LSM12: variants seen among roughly 807,000 people sequenced by gnomAD.
LSM12 encodes the protein LSM12 homolog.
For missense variants in LSM12, 108 were observed against 238.9 expected (o/e 0.45, Z 3.61); for synonymous variants, 74 against 87.3 (o/e 0.85, Z 0.85).
chr17:44,044,386 A>G (rs970855061), intron 2 of LSM12, among the ~76,000 whole-genome samples: 1 of 151,778 alleles, frequency 6.6e-6, no homozygotes, highest in Non-Finnish European at 1.5e-5. Context: ...AATCTCCCCT[A>G]AAGTCTCCAA....
intron 2 of LSM12, among the ~76,000 whole-genome samples, chr17:44,055,437 G>A (rs1024454333): frequency 6.7e-6 from 1 of 149,954 alleles, no homozygotes; most frequent in Non-Finnish European, 1.5e-5. Flanking sequence ...TGAGGTGGGT[G>A]GATCATCTGA....
intron 2 of LSM12, among the ~76,000 whole-genome samples, chr17:44,059,573 T>G (rs1432289719): frequency 2.6e-5 from 4 of 152,148 alleles, no homozygotes; most frequent in Admixed American, 2.6e-4. Context: ...TTCCCCCTAC[T>G]GCAACCCTAC....
intron 2 of LSM12, among the ~76,000 whole-genome samples, chr17:44,059,353 C>T (rs987177616): frequency 1.3e-5 from 2 of 152,070 alleles, no homozygotes; most frequent in African/African-American, 4.8e-5. Context: ...CTTTAGGAGG[C>T]CGACGCAGGT....
At chr17:44,039,442 C>T (rs1158563311) in intron 3 of LSM12, among the ~76,000 whole-genome samples, 1 of 123,676 alleles carries the variant, frequency 8.1e-6, no homozygotes, top group Non-Finnish European at 1.6e-5. Flanking sequence ...ACTGCAGTGG[C>T]GCAATCTCGG....
At position 44,066,630 on chromosome 17, in the gene LSM12, G is replaced by A. The variant is rs1298457824; in HGVS notation, c.-43C>T. The A allele has an allele frequency of 9.9e-6, 13 of 1,307,872 alleles. No homozygotes were observed. Among genetic ancestry groups the A allele is most frequent in the African/African-American group, 3.1e-5 (2 of 64,322 alleles). The allele number at this position is 1,307,872 out of a possible 1,614,324, so 81.0% of individuals were successfully genotyped here. On this transcript the variant is annotated 5_prime_UTR_variant, in exon 1 of 5. Transcript: ENST00000293406. ...GGCCGGCGGCGGCGGCGGCAGCAGCGGGCGAAAGCCGGGCCCCCAGTGAGC... is the reference window on the plus strand; with the variant it reads ...GGCCGGCGGCGGCGGCGGCAGCAGCAGGCGAAAGCCGGGCCCCCAGTGAGC...
In LSM12 at chr17:44,037,249, G is replaced by A. The variant is rs142941571; in HGVS notation, c.495+163C>T. ...ACCACCCAGTGGTTCCATTCCCACA[G>A]GACTGCAGAACCCCACAGTACAGGG... On this transcript the variant is annotated intron_variant, in intron 4 of 4. Transcript: ENST00000293406. 128 of 747,014 alleles carry A rather than the reference G, an allele frequency of 1.7e-4. No homozygotes were observed. In the African/African-American group the frequency reaches 2.1e-3, roughly 12 times the overall value. 46.3% of individuals were successfully genotyped at this position (747,014 alleles called of 1,614,324 possible). A position where few individuals can be genotyped will look rare whatever the true frequency, so the allele number is the denominator to read the frequency against.
intron 2 of LSM12, among the ~76,000 whole-genome samples, chr17:44,042,478 C>A (rs2049507333): frequency 6.6e-6 from 1 of 151,876 alleles, no homozygotes; most frequent in Admixed American, 6.6e-5. Flanking sequence ...CAGCTCACTG[C>A]AACCTCCGCC....
At chr17:44,053,919 T>G (rs2049677689) in intron 2 of LSM12, among the ~76,000 whole-genome samples, 1 of 152,154 alleles carries the variant, frequency 6.6e-6, no homozygotes, top group South Asian at 2.1e-4. Flanking sequence ...GTTAGAATAC[T>G]GTTCTCTTAA....
At chr17:44,045,823 T>C (rs1398401760) in intron 2 of LSM12, among the ~76,000 whole-genome samples, 1 of 152,104 alleles carries the variant, frequency 6.6e-6, no homozygotes, top group Non-Finnish European at 1.5e-5. Context: ...TCCACCCACC[T>C]TGGCCTCCTA....
intron 2 of LSM12, among the ~76,000 whole-genome samples, chr17:44,061,691 C>T (rs1378275638): frequency 6.6e-6 from 1 of 152,146 alleles, no homozygotes; most frequent in East Asian, 1.9e-4. Context: ...CACCACATTC[C>T]CAAGAGAGGC....
chr17:44,061,932 A>G (rs1409872248), intron 2 of LSM12, among the ~76,000 whole-genome samples: 1 of 152,202 alleles, frequency 6.6e-6, no homozygotes, highest in African/African-American at 2.4e-5. Flanking sequence ...AGACAAGTAA[A>G]CAACTATGGC....
At chr17:44,061,091 G>A (rs2049788939) in intron 2 of LSM12, among the ~76,000 whole-genome samples, 2 of 152,138 alleles carry the variant, frequency 1.3e-5, no homozygotes, top group Admixed American at 6.5e-5. Flanking sequence ...GCTGAGGCGG[G>A]CGGATCACCT....
rs755314365 is a variant in LSM12, at chr17:44,063,755, T to C, written c.258+46A>G. On this transcript the variant is annotated intron_variant, in intron 2 of 4. Coordinates refer to ENST00000293406, the MANE Select transcript of LSM12 (RefSeq NM_001371445.1). Reference sequence around the variant, plus strand: ...TATCACTAAGACTCAATGAGACTCATCTTTCCCACCATTTTAGAGAGCCAG... The same window carrying C: ...TATCACTAAGACTCAATGAGACTCACCTTTCCCACCATTTTAGAGAGCCAG... 3.5e-5 allele frequency: 56 copies of C among 1,578,184 alleles called. No individual in the cohort carries two copies. The South Asian group carries it at 6.3e-4, about 18-fold the overall frequency.
chr17:44,049,856 C>CTACT (rs1555624298), intron 2 of LSM12, among the ~76,000 whole-genome samples: 1 of 152,122 alleles, frequency 6.6e-6, no homozygotes, highest in East Asian at 1.9e-4. Context: ...TGGGTGTGAC[C>CTACT]TACTGACTCC....
In LSM12 at chr17:44,034,401, T is replaced by C. The variant is rs1202497602; in HGVS notation, c.*1807A>G. 6.6e-6 allele frequency among the ~76,000 whole-genome samples: 1 copy of C among 152,126 alleles called. No homozygotes were observed. The highest frequency in any genetic ancestry group is 1.9e-4 in the East Asian group (1 of 5,188). On this transcript the variant is annotated 3_prime_UTR_variant, in exon 5 of 5. Coordinates refer to ENST00000293406, the MANE Select transcript of LSM12 (RefSeq NM_001371445.1). ...TCCAAACAGTCCTGTAACAAATGGTTCTATGTATGTGACTACAGCCTTTTC... is the reference window on the plus strand; with the variant it reads ...TCCAAACAGTCCTGTAACAAATGGTCCTATGTATGTGACTACAGCCTTTTC...
rs1056068757 is a variant in LSM12 at position 44,066,661 on chromosome 17, G to A, written c.-74C>T. 2.8e-5 allele frequency: 35 copies of A among 1,265,778 alleles called. No homozygotes were observed. Among genetic ancestry groups the A allele is most frequent in the Non-Finnish European group, 3.5e-5 (35 of 1,001,820 alleles). 78.4% of individuals were successfully genotyped at this position (1,265,778 alleles called of 1,614,324 possible). A position where few individuals can be genotyped will look rare whatever the true frequency, so the allele number is the denominator to read the frequency against. On this transcript the variant is annotated 5_prime_UTR_variant, in exon 1 of 5. Coordinates refer to ENST00000293406, the MANE Select transcript of LSM12 (RefSeq NM_001371445.1). ...AAGCCGGGCCCCCAGTGAGCGCCGC[G>A]ACGCGACGGCGCGCACGGAGCGTGC... is the stretch of plus-strand genomic sequence containing the variant.
chr17:44,050,190 C>G (rs1341971191), intron 2 of LSM12, among the ~76,000 whole-genome samples: 3 of 152,010 alleles, frequency 2.0e-5, no homozygotes, highest in Non-Finnish European at 2.9e-5. Context: ...ACCTCCACCT[C>G]CTGGGTTCAA....
At position 44,036,153 on chromosome 17, in the gene LSM12, C is replaced by T; in HGVS notation, c.*55G>A. Reference sequence around the variant, plus strand: ...CTCCCCCGGCCTGCCTCCGCTGAAGCCACCACCAGCGCCTCCTTGGCTGGA... The same window carrying T: ...CTCCCCCGGCCTGCCTCCGCTGAAGTCACCACCAGCGCCTCCTTGGCTGGA... On this transcript the variant is annotated 3_prime_UTR_variant, in exon 5 of 5. Coordinates refer to ENST00000293406, the MANE Select transcript of LSM12 (RefSeq NM_001371445.1). 6.3e-7 allele frequency: 1 copy of T among 1,576,652 alleles called. No homozygotes were observed. The highest frequency in any genetic ancestry group is 8.7e-7 in the Non-Finnish European group (1 of 1,155,120).
chr17:44,066,374 G>T, intron 1 of LSM12, 90 bp downstream of exon 1: 8 of 1,469,144 alleles, frequency 5.4e-6, no homozygotes, highest in Non-Finnish European at 7.2e-6. Context: ...TAGGCCCGGA[G>T]AGAGCCCCAG....
Sources: allele counts gnomAD v4.1 joint callset (sites outside exome capture counted in the v4.1 genomes callset), GRCh38; gene constraint gnomAD v4.1.1; transcripts MANE v1.5; gene names NCBI Gene and HGNC (gene_info 2026-07-23, HGNC 2026-07-21).